Variants in SUSD6 observed in about 807,000 individuals in gnomAD.
The protein encoded by SUSD6 is sushi domain containing 6.
SUSD6 carries 16 observed loss-of-function variants against 28.4 expected under a neutral mutation model. The observed-to-expected ratio is 0.56, with a 90% CI of 0.38 to 0.86. The LOEUF (loss-of-function observed/expected upper bound fraction) is 0.86, where lower values mean the gene tolerates loss of function less well. SUSD6 is among the 40% of genes least tolerant of loss of function. SUSD6 has a pLI of 0.00. For missense variants in SUSD6, 341 were observed against 384.2 expected (o/e 0.89, Z 0.94); for synonymous variants, 147 against 159.6 (o/e 0.92, Z 0.59).
intron 2 of SUSD6, among the ~76,000 whole-genome samples, chr14:69,676,631 G>A (rs1338241265): frequency 6.6e-6 from 1 of 152,194 alleles, no homozygotes; most frequent in Non-Finnish European, 1.5e-5. Context: ...TTAGGCTCAA[G>A]CAGTCCTCAT....
intron 2 of SUSD6, among the ~76,000 whole-genome samples, chr14:69,690,027 G>C (rs1303969055): frequency 6.6e-6 from 1 of 152,244 alleles, no homozygotes; most frequent in Non-Finnish European, 1.5e-5. Flanking sequence ...GAGGACAAGA[G>C]ATTAAAGGTA....
Position 69,658,589 on chromosome 14 carries a change from A to G in SUSD6, c.-4A>G. ...CTTTTTAAAAAAACTTGGACGGATA[A>G]AAGATGTGCCATGGCAGGATAGCAC... On this transcript the variant is annotated 5_prime_UTR_variant, in exon 2 of 6. Transcript: ENST00000342745. The G allele has an allele frequency of 6.2e-7, 1 of 1,614,012 alleles. No individual in the cohort carries two copies. Among genetic ancestry groups the G allele is most frequent in the South Asian group, 1.1e-5 (1 of 91,046 alleles).
intron 1 of SUSD6, among the ~76,000 whole-genome samples, chr14:69,645,768 G>A (rs879727802): frequency 8.7e-6 from 1 of 114,836 alleles, no homozygotes; most frequent in Admixed American, 9.0e-5. Context: ...TTTTTTTTTT[G>A]AGACAGCATC....
chr14:69,685,088 C>T (rs1289224307), intron 2 of SUSD6, among the ~76,000 whole-genome samples: 1 of 152,218 alleles, frequency 6.6e-6, no homozygotes, highest in African/African-American at 2.4e-5. Context: ...CTCTGTCCTT[C>T]TAAGATGGGA....
Position 69,715,008 on chromosome 14 carries a change from A to AT in SUSD6, c.*4035dup, listed in dbSNP as rs1182794680. The AT allele has an allele frequency of 2.0e-5, 3 of 152,120 alleles. No homozygotes were observed. The highest frequency in any genetic ancestry group is 2.9e-5 in the Non-Finnish European group (2 of 68,030). The allele number at this position is 152,120 out of a possible 1,614,324, so 9.4% of individuals were successfully genotyped here. A position where few individuals can be genotyped will look rare whatever the true frequency, so the allele number is the denominator to read the frequency against. On this transcript the variant is annotated 3_prime_UTR_variant, in exon 6 of 6. Transcript: ENST00000342745. Reference sequence around the variant, plus strand: ...TTGCTTTATTTTATTTTATATATATATTTTTTGGTATCCTGTACATTGCAG... The same window carrying AT: ...TTGCTTTATTTTATTTTATATATATATTTTTTTGGTATCCTGTACATTGCAG...
chr14:69,694,915 G>A (rs1002707895), intron 2 of SUSD6, among the ~76,000 whole-genome samples: 1 of 152,012 alleles, frequency 6.6e-6, no homozygotes, highest in Non-Finnish European at 1.5e-5. Flanking sequence ...CAGTGGTGGG[G>A]GCCCGAGAAG....
chr14:69,616,670 A>T (rs1465075453), intron 1 of SUSD6, among the ~76,000 whole-genome samples: 2 of 152,200 alleles, frequency 1.3e-5, no homozygotes, highest in Non-Finnish European at 2.9e-5. Flanking sequence ...GAGGCACAAG[A>T]TTACAGATAG....
chr14:69,697,547 A>G (rs1886244177), intron 2 of SUSD6, among the ~76,000 whole-genome samples: 1 of 152,174 alleles, frequency 6.6e-6, no homozygotes, highest in African/African-American at 2.4e-5. Context: ...ATATTTTTTC[A>G]TATGTTGGGT....
chr14:69,710,863 G>C (rs1886451830), intron 5 of SUSD6, 91 bp from the exon 6 acceptor site: 43 of 1,204,384 alleles, frequency 3.6e-5, no homozygotes, highest in Non-Finnish European at 4.4e-5. Flanking sequence ...TAGGGGCTAT[G>C]TAGGATAGCC....
At chr14:69,659,489 A>C (rs868806198) in intron 2 of SUSD6, among the ~76,000 whole-genome samples, 1 of 152,126 alleles carries the variant, frequency 6.6e-6, no homozygotes, top group Non-Finnish European at 1.5e-5. Context: ...GGGGCTAGAC[A>C]TGCCCCATTG....
At chr14:69,703,348 A>G in intron 2 of SUSD6, 47 bp from the exon 3 acceptor site, 1 of 1,477,206 alleles carries the variant, frequency 6.8e-7, no homozygotes, top group Non-Finnish European at 9.4e-7. Flanking sequence ...GCAGACTCCT[A>G]CTGGATACCT....
chr14:69,612,011 C>T (rs2139584910), intron 1 of SUSD6, among the ~76,000 whole-genome samples, 183 bp downstream of exon 1: 1 of 149,056 alleles, frequency 6.7e-6, no homozygotes, highest in Non-Finnish European at 1.5e-5. Context: ...GGCCGCGAGC[C>T]GCGCCGCTGG....
intron 2 of SUSD6, among the ~76,000 whole-genome samples, chr14:69,690,777 A>G (rs561566611): frequency 9.7e-4 from 148 of 152,062 alleles, no homozygotes; most frequent in African/African-American, 3.5e-3. Context: ...AGGAGGAAGA[A>G]TATCCAGGTC....
chr14:69,670,080 T>G lies in SUSD6; in HGVS notation c.121+11367T>G, dbSNP rs375968819. On this transcript the variant is annotated intron_variant, in intron 2 of 5. Coordinates refer to ENST00000342745, the MANE Select transcript of SUSD6 (RefSeq NM_014734.4). ...TTTGGTAGGGTTGCTGTGGGGCAGATTGGGTTTTGTATTTTCATGAGTGTT... is the reference window on the plus strand; with the variant it reads ...TTTGGTAGGGTTGCTGTGGGGCAGAGTGGGTTTTGTATTTTCATGAGTGTT... 5.3e-4 allele frequency among the ~76,000 whole-genome samples: 81 copies of G among 152,304 alleles called. 1 individual carries two copies. The highest frequency in any genetic ancestry group is 1.9e-3 in the African/African-American group (79 of 41,558).
At chr14:69,698,589 T>C (rs1198121263) in intron 2 of SUSD6, among the ~76,000 whole-genome samples, 2 of 152,210 alleles carry the variant, frequency 1.3e-5, no homozygotes, top group Admixed American at 6.5e-5. Flanking sequence ...TTTGCCTCCT[T>C]CTGAAAGGTT....
At chr14:69,654,746 G>T (rs1359308369) in intron 1 of SUSD6, among the ~76,000 whole-genome samples, 1 of 150,486 alleles carries the variant, frequency 6.6e-6, no homozygotes, top group Non-Finnish European at 1.5e-5. Context: ...TCCCCTCCCT[G>T]AAGGCGACCA....
intron 1 of SUSD6, among the ~76,000 whole-genome samples, chr14:69,626,843 T>C (rs1885121894): frequency 6.6e-6 from 1 of 150,928 alleles, no homozygotes; most frequent in Non-Finnish European, 1.5e-5. Context: ...TCACTATACC[T>C]GGCTAATTAA....
At chr14:69,672,799 G>A (rs1426939665) in intron 2 of SUSD6, among the ~76,000 whole-genome samples, 1 of 152,192 alleles carries the variant, frequency 6.6e-6, no homozygotes, top group African/African-American at 2.4e-5. Flanking sequence ...TCAGCCTTAG[G>A]CCGACTCTCC....
Position 69,680,053 on chromosome 14 carries a change from G to A in SUSD6, c.121+21340G>A, listed in dbSNP as rs150493215. 5.2e-3 allele frequency among the ~76,000 whole-genome samples: 797 copies of A among 152,288 alleles called. 7 individuals are homozygous for A. The highest frequency in any genetic ancestry group is 0.018 in the African/African-American group (751 of 41,560). Reference sequence around the variant, plus strand: ...TTCTTCAGATCCCTTTTGTTCAAGAGAGCCTCCTAGCATTTTGCAGAGTTC... The same window carrying A: ...TTCTTCAGATCCCTTTTGTTCAAGAAAGCCTCCTAGCATTTTGCAGAGTTC... On this transcript the variant is annotated intron_variant, in intron 2 of 5. Transcript: ENST00000342745.
Sources: gnomAD v4.1 joint callset for allele counts (sites outside exome capture counted in the v4.1 genomes callset) on GRCh38, gnomAD v4.1.1 for gene constraint, MANE v1.5 for transcripts, NCBI Gene and HGNC (gene_info 2026-07-23, HGNC 2026-07-21) for gene names.